Variants in SLIT1 observed in about 807,000 individuals in gnomAD.
SLIT1 encodes slit guidance ligand 1, also known as slit homolog 1 protein.
SLIT1 carries 66 observed loss-of-function variants against 186.1 expected under a neutral mutation model. The observed-to-expected ratio is 0.35, with a 90% CI of 0.29 to 0.44. The LOEUF (loss-of-function observed/expected upper bound fraction) is 0.44, where lower values mean the gene tolerates loss of function less well. SLIT1 is among the 20% of genes least tolerant of loss of function. The probability of loss-of-function intolerance (pLI) is 1.00; values close to 1 mark genes in which losing one functional copy is unlikely to be tolerated. For missense variants in SLIT1, 1,638 were observed against 2,037.4 expected, an observed-to-expected ratio of 0.80 and a Z score of 3.77; for synonymous variants, 761 against 833.8, an observed-to-expected ratio of 0.91 and a Z score of 1.50.
At chr10:97,176,637 T>C (rs561799528) in intron 1 of SLIT1, among the ~76,000 whole-genome samples, 2 of 152,278 alleles carry the variant, frequency 1.3e-5, no homozygotes, top group Non-Finnish European at 2.9e-5. Flanking sequence ...CGATCTCGAG[T>C]TCCAGAAGCT....
chr10:97,178,815 G>A (rs1006972004), intron 1 of SLIT1, among the ~76,000 whole-genome samples: 7 of 151,226 alleles, frequency 4.6e-5, no homozygotes, highest in Admixed American at 3.3e-4. Context: ...GTGTGTGTGT[G>A]ATTATGATAA....
chr10:97,048,511 C>A (rs932371289), intron 14 of SLIT1, among the ~76,000 whole-genome samples: 1 of 152,158 alleles, frequency 6.6e-6, no homozygotes, highest in African/African-American at 2.4e-5. Flanking sequence ...GTGGAGGGAC[C>A]TGAGTCCTCC....
intron 4 of SLIT1, among the ~76,000 whole-genome samples, chr10:97,114,594 G>A (rs968478134): frequency 6.6e-6 from 1 of 152,132 alleles, no homozygotes; most frequent in Non-Finnish European, 1.5e-5. Context: ...AAGAGGTTGA[G>A]GCTGCAGTGA....
At chr10:97,104,978 C>T (rs977581414) in intron 4 of SLIT1, among the ~76,000 whole-genome samples, 6 of 152,116 alleles carry the variant, frequency 3.9e-5, no homozygotes, top group African/African-American at 1.4e-4. Flanking sequence ...AGCTTATCTG[C>T]GGGGCTTAGC....
In SLIT1 at chr10:97,000,168, T is replaced by C. The variant is rs1848290984; in HGVS notation, c.*944A>G. ...TACTGGCCTGCGGTGTGAAGGACTCTGAACCAGCTGCTCCCAGGTCAAGCA... is the reference window on the plus strand; with the variant it reads ...TACTGGCCTGCGGTGTGAAGGACTCCGAACCAGCTGCTCCCAGGTCAAGCA... On this transcript the variant is annotated 3_prime_UTR_variant, in exon 37 of 37. Transcript: ENST00000266058. 2 of 152,332 alleles carry C rather than the reference T, an allele frequency of 1.3e-5. No homozygotes were observed. The highest frequency in any genetic ancestry group is 4.8e-5 in the African/African-American group (2 of 41,456). 9.4% of individuals were successfully genotyped at this position (152,332 alleles called of 1,614,324 possible).
chr10:97,148,231 G>A (rs974691333), intron 4 of SLIT1, among the ~76,000 whole-genome samples: 2 of 151,880 alleles, frequency 1.3e-5, no homozygotes, highest in Non-Finnish European at 2.9e-5. Context: ...TTTGGCACAT[G>A]AGTGCTTAAC....
At chr10:97,073,896 C>T (rs539323184) in intron 4 of SLIT1, among the ~76,000 whole-genome samples, 10 of 152,282 alleles carry the variant, frequency 6.6e-5, no homozygotes, top group African/African-American at 2.2e-4. Context: ...GACATTCCTC[C>T]AGTTTCCCAG....
intron 21 of SLIT1, among the ~76,000 whole-genome samples, chr10:97,038,417 T>G (rs1255839584): frequency 6.6e-6 from 1 of 152,186 alleles, no homozygotes; most frequent in Non-Finnish European, 1.5e-5. Context: ...TCTCTGCACC[T>G]TGGACCTCCC....
Position 97,047,700 on chromosome 10 carries a change from T to C in SLIT1, c.1624A>G (p.Thr542Ala), listed in dbSNP as rs1468448243. 5 of 1,613,586 alleles carry C rather than the reference T, an allele frequency of 3.1e-6. No individual in the cohort carries two copies. Among genetic ancestry groups the C allele is most frequent in the Admixed American group, 3.3e-5 (2 of 60,000 alleles). The change falls in exon 16 of 37, where the codon ACG becomes GCG. Residue 542 changes from threonine (T) to alanine (A), a missense_variant. Physicochemically the swap from Thr to Ala is moderately conservative, Grantham distance 58 (BLOSUM62 0). This residue lies in a region of SLIT1 where 1,245 missense variants were observed against 1,535.3 expected (regional missense o/e 0.81). Transcript: ENST00000266058. ...GCCAGGGACCCTCACAGTTCTGCCG[T>C]GGACTGGGGGATGCGCTCAGGGATC... ...TKIPERIPQSTAELRLNNNEI... is the reference protein window; with the variant it reads ...TKIPERIPQSAAELRLNNNEI...
intron 3 of SLIT1, among the ~76,000 whole-genome samples, chr10:97,162,633 G>C (rs1052932951): frequency 6.6e-6 from 1 of 152,134 alleles, no homozygotes; most frequent in Admixed American, 6.5e-5. Flanking sequence ...AAATAATAAA[G>C]TGCAATTAAT....
intron 4 of SLIT1, among the ~76,000 whole-genome samples, chr10:97,131,595 T>C (rs1036773218): frequency 1.3e-5 from 2 of 152,232 alleles, no homozygotes; most frequent in African/African-American, 4.8e-5. Context: ...CTCTGGAGGC[T>C]GTGAGGTTTC....
intron 4 of SLIT1, among the ~76,000 whole-genome samples, chr10:97,073,430 G>A (rs1446645372): frequency 6.6e-6 from 1 of 152,208 alleles, no homozygotes; most frequent in Non-Finnish European, 1.5e-5. Context: ...ATCTGCGACT[G>A]GAAGGACAAA....
At chr10:97,059,646 G>A in intron 10 of SLIT1, 115 bp from the exon 11 acceptor site, 1 of 764,780 alleles carries the variant, frequency 1.3e-6, no homozygotes, top group Non-Finnish European at 2.3e-6. Flanking sequence ...GCTTTGAAAT[G>A]AGAATAGTGA....
intron 1 of SLIT1, among the ~76,000 whole-genome samples, chr10:97,177,947 G>C (rs534627117): frequency 1.3e-5 from 2 of 152,228 alleles, no homozygotes; most frequent in South Asian, 2.1e-4. Flanking sequence ...CCGCACTCCA[G>C]CCTGGGCAAC....
chr10:97,084,565 T>C (rs1849137449), intron 4 of SLIT1, among the ~76,000 whole-genome samples: 1 of 148,056 alleles, frequency 6.8e-6, no homozygotes, highest in Non-Finnish European at 1.5e-5. Context: ...ATTTCTTTTC[T>C]TTTCTTTCCT....
chr10:97,175,162 G>T (rs187140187), intron 1 of SLIT1, among the ~76,000 whole-genome samples: 8 of 152,278 alleles, frequency 5.3e-5, no homozygotes, highest in Admixed American at 2.6e-4. Flanking sequence ...CTTATGACTG[G>T]CTTTTTCACC....
intron 4 of SLIT1, among the ~76,000 whole-genome samples, chr10:97,119,913 G>GTGTA (rs1241836707): frequency 1.2e-4 from 7 of 56,506 alleles, no homozygotes; most frequent in Non-Finnish European, 2.6e-4. Flanking sequence ...TTCCAAAGGG[G>GTGTA]TATATATATA....
rs372631144 is a variant in SLIT1 at position 97,166,224 on chromosome 10, G to T, written c.198-1334C>A. On this transcript the variant is annotated intron_variant, in intron 1 of 36. Transcript: ENST00000266058. ...CCTGTCCTCCAGGTGTTTAGAAAGT[G>T]TTTGGTCCGGCCTGGTGTGGTGGCT... Among the ~76,000 whole-genome samples the T allele has an allele frequency of 3.9e-5, 6 of 151,998 alleles. No individual in the cohort carries two copies. In the East Asian group the frequency reaches 1.2e-3, roughly 29 times the overall value.
intron 8 of SLIT1, 127 bp from the exon 9 acceptor site, chr10:97,060,914 G>A: frequency 9.8e-7 from 1 of 1,020,598 alleles, no homozygotes. Flanking sequence ...GAACCAGAGG[G>A]GATCACTAAT....
Sources: allele counts gnomAD v4.1 joint callset (sites outside exome capture counted in the v4.1 genomes callset), GRCh38; gene constraint gnomAD v4.1.1; regional missense constraint gnomAD v4.1.1; transcripts MANE v1.5; gene names NCBI Gene and HGNC (gene_info 2026-07-23, HGNC 2026-07-21).